ADORA2B: variants seen among roughly 807,000 people sequenced by gnomAD.
The protein encoded by ADORA2B is adenosine A2b receptor.
Under a neutral mutation model 20.8 loss-of-function variants are expected in ADORA2B, and 18 were observed. That is an observed-to-expected ratio of 0.87 (90% confidence interval 0.60 to 1.29). The LOEUF is 1.29. Among genes scored for constraint, ADORA2B ranks in the 50% most tolerant of loss-of-function variants. ADORA2B has a pLI of 0.00. For synonymous variants in ADORA2B, 179 were observed against 178.3 expected (o/e 1.00, Z -0.03); for missense variants, 441 against 422.7 (o/e 1.04, Z -0.38).
chr17:15,958,261 G>A (rs962708536), intron 1 of ADORA2B, among the ~76,000 whole-genome samples: 1 of 152,068 alleles, frequency 6.6e-6, no homozygotes, highest in African/African-American at 2.4e-5. Flanking sequence ...CAGGTGATCT[G>A]CCCACCTCGG....
At chr17:15,908,927 A>C in the ADORA2B span, among the ~76,000 whole-genome samples, 7 of 151,706 alleles carry the variant, frequency 4.6e-5, no homozygotes, top group Admixed American at 1.3e-4. Flanking sequence ...TGCTAATTAC[A>C]TTGGGTGAAT....
At chr17:15,854,569 A>G in the ADORA2B span, among the ~76,000 whole-genome samples, 1 of 152,236 alleles carries the variant, frequency 6.6e-6, no homozygotes, top group Non-Finnish European at 1.5e-5. Context: ...ATGAGATAGG[A>G]ATGCCCCATA....
chr17:15,924,114 TG>T, the ADORA2B span, among the ~76,000 whole-genome samples: 1 of 152,154 alleles, frequency 6.6e-6, no homozygotes, highest in African/African-American at 2.4e-5. Flanking sequence ...GTTTTCGCCA[TG>T]TTGGCCAGGC....
chr17:15,852,358 T>C, the ADORA2B span, among the ~76,000 whole-genome samples: 1 of 151,918 alleles, frequency 6.6e-6, no homozygotes, highest in African/African-American at 2.4e-5. Flanking sequence ...GAAACATGGG[T>C]TTGAATTTAA....
At chr17:15,909,514 C>G in the ADORA2B span, among the ~76,000 whole-genome samples, 1 of 152,234 alleles carries the variant, frequency 6.6e-6, no homozygotes, top group African/African-American at 2.4e-5. Context: ...CCTCTGCCAC[C>G]ATAGTCTGTG....
chr17:15,889,715 T>A, the ADORA2B span, among the ~76,000 whole-genome samples: 2 of 129,404 alleles, frequency 1.5e-5, no homozygotes, highest in Non-Finnish European at 3.3e-5. Context: ...CTGGCCAACA[T>A]GGCAAAATCC....
the ADORA2B span, among the ~76,000 whole-genome samples, chr17:15,893,427 T>C: frequency 6.6e-6 from 1 of 152,230 alleles, no homozygotes; most frequent in Middle Eastern, 3.2e-3. Context: ...AATGTTATCA[T>C]TCAGAGTGGA....
At chr17:15,904,764 T>C in the ADORA2B span, among the ~76,000 whole-genome samples, 28 of 152,372 alleles carry the variant, frequency 1.8e-4, no homozygotes, top group South Asian at 4.3e-3. Context: ...TTTGGGTTTT[T>C]TTTGTTGTTG....
chr17:15,967,433 G>A (rs933605048), intron 1 of ADORA2B, among the ~76,000 whole-genome samples: 7 of 152,124 alleles, frequency 4.6e-5, no homozygotes, highest in African/African-American at 1.7e-4. Flanking sequence ...GCTTCACCAC[G>A]TTGGCCAGGC....
the ADORA2B span, among the ~76,000 whole-genome samples, chr17:15,892,564 G>C: frequency 6.6e-6 from 1 of 152,124 alleles, no homozygotes; most frequent in East Asian, 1.9e-4. Flanking sequence ...TTATAGGCAT[G>C]AGCCATGACG....
chr17:15,952,927 C>T (rs4791656), intron 1 of ADORA2B, among the ~76,000 whole-genome samples: 9,410 of 152,312 alleles, frequency 0.062, 987 homozygotes, highest in African/African-American at 0.21. Flanking sequence ...GACAGCGCCA[C>T]GGGCAGCGGG....
chr17:15,867,443 G>A, the ADORA2B span, among the ~76,000 whole-genome samples: 3 of 149,066 alleles, frequency 2.0e-5, no homozygotes, highest in East Asian at 5.9e-4. Context: ...CGCCCCATCT[G>A]AGAAGTGAGG....
At chr17:15,881,432 TAAC>T in the ADORA2B span, among the ~76,000 whole-genome samples, 1 of 152,214 alleles carries the variant, frequency 6.6e-6, no homozygotes, top group South Asian at 2.1e-4. Flanking sequence ...AAAATACACA[TAAC>T]AAGAATTTAT....
chr17:15,904,876 G>A, the ADORA2B span, among the ~76,000 whole-genome samples: 2 of 152,074 alleles, frequency 1.3e-5, no homozygotes, highest in Admixed American at 1.3e-4. Context: ...TATTTGTGTG[G>A]TTTTATTTCT....
chr17:15,866,724 G>GCTGCCGCTGCCT, the ADORA2B span, among the ~76,000 whole-genome samples: 4 of 145,234 alleles, frequency 2.8e-5, no homozygotes, highest in Admixed American at 6.8e-5. Flanking sequence ...TGCCTCTGCC[G>GCTGCCGCTGCCT]CTGCCGCTGC....
chr17:15,883,558 A>T, the ADORA2B span, among the ~76,000 whole-genome samples: 1 of 152,164 alleles, frequency 6.6e-6, no homozygotes, highest in Non-Finnish European at 1.5e-5. Flanking sequence ...AAGAAGGTGG[A>T]TGGGTAGATG....
intron 1 of ADORA2B, among the ~76,000 whole-genome samples, chr17:15,954,800 T>C (rs1400821538): frequency 6.6e-6 from 1 of 152,102 alleles, no homozygotes; most frequent in Non-Finnish European, 1.5e-5. Flanking sequence ...ATATGATTGG[T>C]TGGTTGATAG....
At chr17:15,934,537 T>C in the ADORA2B span, among the ~76,000 whole-genome samples, 1 of 152,150 alleles carries the variant, frequency 6.6e-6, no homozygotes, top group Non-Finnish European at 1.5e-5. Flanking sequence ...ATATATCTTA[T>C]ATCCTTTTTG....
intron 1 of ADORA2B, among the ~76,000 whole-genome samples, chr17:15,969,198 C>T (rs1305624652): frequency 6.6e-6 from 1 of 152,166 alleles, no homozygotes; most frequent in Non-Finnish European, 1.5e-5. Context: ...CGCCTGTAAT[C>T]CCAGCACTGT....
Sources: allele counts gnomAD v4.1 joint callset (sites outside exome capture counted in the v4.1 genomes callset), GRCh38; gene constraint gnomAD v4.1.1; transcripts MANE v1.5; gene names NCBI Gene and HGNC (gene_info 2026-07-23, HGNC 2026-07-21).